The following WFDC1 variants were observed in gnomAD, a reference collection of about 807,000 sequenced individuals.
The protein encoded by WFDC1 is WAP four-disulfide core domain 1, also known as WAP four-disulfide core domain protein 1.
Under a neutral mutation model 32.9 loss-of-function variants are expected in WFDC1, and 39 were observed. That is an observed-to-expected ratio of 1.19 (90% CI 0.92 to 1.55). WFDC1 has a LOEUF of 1.55. Ranked by LOEUF, WFDC1 falls within the 40% of genes most tolerant of loss-of-function variation. The probability of loss-of-function intolerance (pLI) is 0.00; values close to 1 mark genes in which losing one functional copy is unlikely to be tolerated. For missense variants in WFDC1, 386 were observed against 309.5 expected, an observed-to-expected ratio of 1.25 and a Z score of -1.85; for synonymous variants, 184 against 137.4, an observed-to-expected ratio of 1.34 and a Z score of -2.37.
chr16:84,319,800 A>G (rs1908199679), intron 4 of WFDC1, among the ~76,000 whole-genome samples: 1 of 152,150 alleles, frequency 6.6e-6, no homozygotes, highest in East Asian at 1.9e-4. Flanking sequence ...GACTGGCTGC[A>G]AACCCCAGCT....
chr16:84,318,221 C>A lies in WFDC1; in HGVS notation c.338-51C>A, dbSNP rs377396218. 15 of 1,585,970 alleles carry A rather than the reference C, an allele frequency of 9.5e-6. No homozygotes were observed. The Middle Eastern group carries it at 5.0e-4, about 53-fold the overall frequency. On this transcript the variant is annotated intron_variant, in intron 2 of 6. Coordinates refer to ENST00000219454, the MANE Select transcript of WFDC1 (RefSeq NM_021197.4). ...GGTGCCCCCAGCCCCCAAGCCTGGG[C>A]GTTTCTCAGCTGCTTGAGGAGGGCC...
chr16:84,295,243 C>A, intron 1 of WFDC1, 128 bp downstream of exon 1: 2 of 1,257,786 alleles, frequency 1.6e-6, no homozygotes, highest in Admixed American at 2.4e-5. Flanking sequence ...CAGGCGTCTT[C>A]CTATCCGTGT....
chr16:84,303,673 A>G (rs912340423), intron 1 of WFDC1, among the ~76,000 whole-genome samples: 1 of 152,328 alleles, frequency 6.6e-6, no homozygotes, highest in Middle Eastern at 3.4e-3. Flanking sequence ...TTTTATTGAA[A>G]TGAAATTCAC....
chr16:84,319,639 C>A, intron 4 of WFDC1, 68 bp downstream of exon 4: 1 of 1,568,466 alleles, frequency 6.4e-7, no homozygotes, highest in South Asian at 1.2e-5. Context: ...AAGCGCCTCT[C>A]ACCCGCATGG....
intron 1 of WFDC1, among the ~76,000 whole-genome samples, chr16:84,301,978 C>T (rs1906964511): frequency 6.6e-6 from 1 of 152,208 alleles, no homozygotes. Flanking sequence ...AGGGCAGAGG[C>T]AGATGGATGC....
chr16:84,305,146 T>C (rs1907176328), intron 1 of WFDC1, among the ~76,000 whole-genome samples: 1 of 152,222 alleles, frequency 6.6e-6, no homozygotes, highest in Non-Finnish European at 1.5e-5. Flanking sequence ...ATACTGAAGA[T>C]TCAGTATGTG....
At chr16:84,301,178 C>G (rs1906909849) in intron 1 of WFDC1, among the ~76,000 whole-genome samples, 1 of 152,160 alleles carries the variant, frequency 6.6e-6, no homozygotes, top group African/African-American at 2.4e-5. Flanking sequence ...CACAAAGGAA[C>G]CAACCCTGCC....
intron 2 of WFDC1, among the ~76,000 whole-genome samples, chr16:84,315,893 GGTGATCCCAGGTAGTTCCA>G (rs1384511104): frequency 1.3e-5 from 2 of 152,182 alleles, no homozygotes; most frequent in African/African-American, 4.8e-5. Flanking sequence ...TTATTTGGGA[GGTGATCCCAGGTAGTTCCA>G]GTGAGGTCAT....
intron 1 of WFDC1, among the ~76,000 whole-genome samples, chr16:84,306,629 C>T (rs1409389340): frequency 2.0e-5 from 3 of 152,180 alleles, no homozygotes; most frequent in Non-Finnish European, 2.9e-5. Context: ...AAAGGGCTGC[C>T]CCCACACCTG....
chr16:84,310,612 C>A (rs1907556251), intron 1 of WFDC1, among the ~76,000 whole-genome samples: 1 of 152,176 alleles, frequency 6.6e-6, no homozygotes, highest in South Asian at 2.1e-4. Context: ...CTAATGGTTT[C>A]TTGTGTGATC....
At chr16:84,319,363 T>C (rs1567661903) in intron 3 of WFDC1, 68 bp from the exon 4 acceptor site, 1 of 1,576,798 alleles carries the variant, frequency 6.3e-7, no homozygotes, top group Non-Finnish European at 8.6e-7. Flanking sequence ...GTCTGCCTTC[T>C]AGACCCTAGC....
Position 84,294,931 on chromosome 16 carries a change from C to A in WFDC1, c.-41C>A. 1 of 1,594,020 alleles carries A rather than the reference C, an allele frequency of 6.3e-7. No individual in the cohort carries two copies. Among genetic ancestry groups the A allele is most frequent in the South Asian group, 1.1e-5 (1 of 87,226 alleles). ...CAGGCCCACGCAGCGAGGGGGGCCC[C>A]TCTTCTGTGTGCGTCTGGAAGGTCG... On this transcript the variant is annotated 5_prime_UTR_variant, in exon 1 of 7. Transcript: ENST00000219454.
intron 1 of WFDC1, among the ~76,000 whole-genome samples, chr16:84,299,537 A>G (rs998978342): frequency 3.3e-5 from 5 of 152,212 alleles, no homozygotes; most frequent in African/African-American, 1.2e-4. Flanking sequence ...CTTTCCTGGC[A>G]TTAGATGAAA....
At chr16:84,322,145 CTG>C (rs751867533) in intron 4 of WFDC1, among the ~76,000 whole-genome samples, 24 of 109,452 alleles carry the variant, frequency 2.2e-4, no homozygotes, top group Middle Eastern at 4.2e-3. Context: ...GCCTCAGAGC[CTG>C]TGTGTGTGTG....
chr16:84,319,330 C>A (rs1395440265), intron 3 of WFDC1, 101 bp from the exon 4 acceptor site: 3 of 1,504,204 alleles, frequency 2.0e-6, no homozygotes, highest in Admixed American at 3.8e-5. Flanking sequence ...GGGTGAGGTG[C>A]GTTCCCTGCA....
Position 84,322,145 on chromosome 16 carries a change from C to CTGTG in WFDC1, c.563-2263_563-2260dup, listed in dbSNP as rs751867533. 2.3e-3 allele frequency among the ~76,000 whole-genome samples: 254 copies of CTGTG among 109,450 alleles called. 8 individuals carry two copies. Among genetic ancestry groups the CTGTG allele is most frequent in the Admixed American group, 0.016 (194 of 11,806 alleles). The allele number at this position is 109,450 out of a possible 152,430, so 71.8% of individuals were successfully genotyped here. A position where few individuals can be genotyped will look rare whatever the true frequency, so the allele number is the denominator to read the frequency against. On this transcript the variant is annotated intron_variant, in intron 4 of 6. Coordinates refer to ENST00000219454, the MANE Select transcript of WFDC1 (RefSeq NM_021197.4). Reference sequence around the variant, plus strand: ...CAAGACTGTCCACCAGCCTCAGAGCCTGTGTGTGTGTGTGCGTGTGTGTGT... The same window carrying CTGTG: ...CAAGACTGTCCACCAGCCTCAGAGCCTGTGTGTGTGTGTGTGTGCGTGTGTGTGT...
At chr16:84,307,840 G>C (rs1907355879) in intron 1 of WFDC1, among the ~76,000 whole-genome samples, 1 of 152,180 alleles carries the variant, frequency 6.6e-6, no homozygotes, top group Non-Finnish European at 1.5e-5. Flanking sequence ...AGTGAACTGA[G>C]AGCTAATGGC....
chr16:84,322,184 T>TGTGTGTGTGTGTGTGTGTGTGC (rs1908349415), intron 4 of WFDC1, among the ~76,000 whole-genome samples: 1 of 148,544 alleles, frequency 6.7e-6, no homozygotes, highest in African/African-American at 2.5e-5. Flanking sequence ...TGTGTGTGTG[T>TGTGTGTGTGTGTGTGTGTGTGC]GTGTGTGAGC....
chr16:84,295,247 T>A, intron 1 of WFDC1, 132 bp downstream of exon 1: 1 of 1,198,756 alleles, frequency 8.3e-7, no homozygotes. Flanking sequence ...CGTCTTCCTA[T>A]CCGTGTGTGT....
Sources: allele counts gnomAD v4.1 joint callset (sites outside exome capture counted in the v4.1 genomes callset), GRCh38; gene constraint gnomAD v4.1.1; transcripts MANE v1.5; gene names NCBI Gene and HGNC (gene_info 2026-07-23, HGNC 2026-07-21).